Variants in DLG1 observed in about 807,000 individuals in gnomAD.
DLG1 encodes the protein disks large homolog 1.
In DLG1, 42 loss-of-function variants were observed where a neutral mutation model predicts 123.4. That is an observed-to-expected ratio of 0.34 (90% CI 0.27 to 0.44). The LOEUF (loss-of-function observed/expected upper bound fraction) is 0.44. Ranked by LOEUF, DLG1 falls within the 20% of genes least tolerant of loss-of-function variation. The pLI is 1.00. For missense variants in DLG1, 942 were observed against 1,082.6 expected, an observed-to-expected ratio of 0.87 and a Z score of 1.82; for synonymous variants, 317 against 356.2, an observed-to-expected ratio of 0.89 and a Z score of 1.24.
At chr3:197,084,626 G>A (rs1428653959) in intron 16 of DLG1, among the ~76,000 whole-genome samples, 1 of 151,586 alleles carries the variant, frequency 6.6e-6, no homozygotes, top group Non-Finnish European at 1.5e-5. Flanking sequence ...TTCTAGTTAT[G>A]TCACTGGTTA....
intron 4 of DLG1, among the ~76,000 whole-genome samples, chr3:197,263,546 G>A (rs1760399530): frequency 6.6e-6 from 1 of 152,158 alleles, no homozygotes. Flanking sequence ...CAGCACTTTG[G>A]GAGGCCAAGG....
At chr3:197,212,485 A>T (rs1377780755) in intron 4 of DLG1, among the ~76,000 whole-genome samples, 1 of 152,220 alleles carries the variant, frequency 6.6e-6, no homozygotes, top group African/African-American at 2.4e-5. Context: ...AGTTTCTTCT[A>T]AGGGCTGTGA....
At chr3:197,051,917 C>T (rs1450445516) in intron 23 of DLG1, among the ~76,000 whole-genome samples, 2 of 144,176 alleles carry the variant, frequency 1.4e-5, no homozygotes, top group Non-Finnish European at 3.0e-5. Context: ...TCTCAGCTCA[C>T]TGCAACCTCC....
At chr3:197,135,676 T>C (rs1377437339) in intron 10 of DLG1, among the ~76,000 whole-genome samples, 1 of 152,158 alleles carries the variant, frequency 6.6e-6, no homozygotes, top group Non-Finnish European at 1.5e-5. Context: ...TAAGCAATGA[T>C]ATGGGTAAGT....
chr3:197,057,274 T>C (rs982883618), intron 23 of DLG1, among the ~76,000 whole-genome samples: 1 of 152,126 alleles, frequency 6.6e-6, no homozygotes, highest in Non-Finnish European at 1.5e-5. Context: ...AGAGACAGGA[T>C]TGTGCCATGT....
chr3:197,133,441 T>A (rs1450633067), intron 10 of DLG1, among the ~76,000 whole-genome samples: 2 of 152,190 alleles, frequency 1.3e-5, no homozygotes, highest in Non-Finnish European at 2.9e-5. Flanking sequence ...CCAAGCCCTA[T>A]CCAATCTGCA....
intron 8 of DLG1, 95 bp downstream of exon 8, chr3:197,140,045 T>A: frequency 7.3e-7 from 1 of 1,363,768 alleles, no homozygotes; most frequent in Non-Finnish European, 1.0e-6. Context: ...GTTATCATGA[T>A]CGTGTTTGTT....
At chr3:197,061,264 A>G (rs1288176724) in intron 22 of DLG1, among the ~76,000 whole-genome samples, 1 of 152,256 alleles carries the variant, frequency 6.6e-6, no homozygotes, top group African/African-American at 2.4e-5. Context: ...TACTTTCATC[A>G]GACATAAATA....
intron 4 of DLG1, among the ~76,000 whole-genome samples, chr3:197,278,790 TTTTAAGAGAATAACAGTCAAG>T (rs1767811203): frequency 1.3e-5 from 2 of 151,790 alleles, no homozygotes; most frequent in South Asian, 4.2e-4. Flanking sequence ...AAGATTTGCA[TTTTAAGAGAATAACAGTCAAG>T]GCTTTGTGAA....
At chr3:197,298,614 G>C, upstream of DLG1, 2 of 370,222 alleles carry the variant, frequency 5.4e-6, no homozygotes, top group Non-Finnish European at 9.6e-6. Context: ...CCCGGGGGTA[G>C]ATCCCCACCG....
intron 1 of DLG1, chr3:197,297,628 C>T: frequency 1.0e-6 from 1 of 1,000,216 alleles, no homozygotes; most frequent in Non-Finnish European, 1.2e-6. Flanking sequence ...AGGGGACCAG[C>T]GGGACTGGCC....
At chr3:197,170,421 CTTGTT>C (rs957140583) in intron 5 of DLG1, among the ~76,000 whole-genome samples, 1 of 151,976 alleles carries the variant, frequency 6.6e-6, no homozygotes, top group African/African-American at 2.4e-5. Flanking sequence ...GCCAGCATCT[CTTGTT>C]TTGATTTTTT....
intron 14 of DLG1, among the ~76,000 whole-genome samples, chr3:197,092,794 T>C (rs1758477922): frequency 1.3e-5 from 2 of 152,240 alleles, no homozygotes; most frequent in Admixed American, 1.3e-4. Context: ...TGAGCCACTG[T>C]ACCTGGCCAA....
At chr3:197,149,515 A>C (rs571186009) in intron 6 of DLG1, among the ~76,000 whole-genome samples, 12 of 152,298 alleles carry the variant, frequency 7.9e-5, no homozygotes, top group African/African-American at 2.9e-4. Flanking sequence ...TCTGAATTAA[A>C]TTACGAATTT....
chr3:197,109,933 C>T (rs1159754367), intron 13 of DLG1, among the ~76,000 whole-genome samples: 5 of 152,148 alleles, frequency 3.3e-5, no homozygotes, highest in Non-Finnish European at 7.4e-5. Context: ...ATTCTGCCTT[C>T]GGCTTTAGAC....
At chr3:197,145,600 C>T (rs114288390) in intron 6 of DLG1, among the ~76,000 whole-genome samples, 1,844 of 152,156 alleles carry the variant, frequency 0.012, 30 homozygotes, top group African/African-American at 0.042. Context: ...TTATATGGCC[C>T]TTTTGGCATT....
At position 197,065,422 on chromosome 3, in the gene DLG1, C is replaced by A; in HGVS notation, c.2227G>T (p.Glu743Ter). The A allele has an allele frequency of 1.2e-6, 2 of 1,610,712 alleles. No homozygotes were observed. Residue 743 changes from glutamate (E) to a stop codon, truncating the protein, a stop_gained, in exon 22 of 25, where the codon GAG (glutamate) becomes TAG (stop). Transcript: ENST00000667157. LOFTEE classifies it high-confidence loss of function. Reference sequence around the variant, plus strand: ...AAATGATAATCTCTTCCATCTACCTCATAATCTCGTTTTGGTCTAGTTGTA... The same window carrying A: ...AAATGATAATCTCTTCCATCTACCTAATAATCTCGTTTTGGTCTAGTTGTA... The part of the protein sequence containing the change: ...PHTTRPKRDY[E>*]VDGRDYHFVT...
intron 13 of DLG1, among the ~76,000 whole-genome samples, chr3:197,107,560 A>G (rs1767251311): frequency 6.6e-6 from 1 of 151,938 alleles, no homozygotes; most frequent in South Asian, 2.1e-4. Context: ...CAAAAAACAA[A>G]AAAACCAAAC....
Position 197,116,070 on chromosome 3 carries a change from C to G in DLG1, c.1300G>C (p.Val434Leu), listed in dbSNP as rs142394314. 28 of 1,594,244 alleles carry G rather than the reference C, an allele frequency of 1.8e-5. No individual in the cohort carries two copies. The African/African-American group carries it at 2.4e-4, about 14-fold the overall frequency. ...DDEITREPRK[V>L]VLHRGSTGLG... is the part of the protein sequence containing the mutation. ...CCCGTTGAGCCACGATGAAGAACAACTTTTCTAGGTTCCCTAAAAATTAAA... is the reference window on the plus strand; with the variant it reads ...CCCGTTGAGCCACGATGAAGAACAAGTTTTCTAGGTTCCCTAAAAATTAAA... The change falls in exon 13 of 25, where the codon GTT (valine) becomes CTT (leucine). Residue 434 changes from valine to leucine, a missense_variant. Val to Leu is a conservative substitution (Grantham distance 32). Coordinates refer to ENST00000667157, the MANE Select transcript of DLG1 (RefSeq NM_001366207.1).
Sources: gnomAD v4.1 joint callset for allele counts (sites outside exome capture counted in the v4.1 genomes callset) on GRCh38, gnomAD v4.1.1 for gene constraint, MANE v1.5 for transcripts, NCBI Gene and HGNC (gene_info 2026-07-23, HGNC 2026-07-21) for gene names.